PHACTR3: variants seen among roughly 807,000 people sequenced by gnomAD.
PHACTR3 encodes the protein phosphatase and actin regulator 3.
A neutral mutation model predicts 66.8 loss-of-function variants in PHACTR3; 16 were observed. The observed-to-expected ratio is 0.24, with a 90% CI of 0.16 to 0.36. The LOEUF is 0.36. Among genes scored for constraint, PHACTR3 ranks in the 10% least tolerant of loss-of-function variants. The pLI, the probability that PHACTR3 is intolerant of heterozygous loss-of-function variation, is 1.00. For missense variants in PHACTR3, 647 were observed against 719.9 expected (o/e 0.90, Z 1.16); for synonymous variants, 323 against 292.1 (o/e 1.11, Z -1.08).
At chr20:59,784,481 C>T (rs2040838590) in intron 7 of PHACTR3, among the ~76,000 whole-genome samples, 1 of 152,046 alleles carries the variant, frequency 6.6e-6, no homozygotes, top group Non-Finnish European at 1.5e-5. Flanking sequence ...GGTGGAGAAC[C>T]AAAGCTTTAA....
intron 1 of PHACTR3, among the ~76,000 whole-genome samples, chr20:59,666,892 G>A (rs1416466752): frequency 2.6e-4 from 39 of 152,328 alleles, no homozygotes; most frequent in Non-Finnish European, 4.4e-5. Flanking sequence ...CTTACACGGT[G>A]TAATCTTTAA....
chr20:59,664,464 G>C (rs151276044), intron 1 of PHACTR3, among the ~76,000 whole-genome samples: 1 of 152,030 alleles, frequency 6.6e-6, no homozygotes, highest in Non-Finnish European at 1.5e-5. Flanking sequence ...GCTGCTTCTC[G>C]TAGCCGTTTC....
chr20:59,651,277 A>G (rs6070892), intron 1 of PHACTR3, among the ~76,000 whole-genome samples: 18,677 of 152,262 alleles, frequency 0.12, 1,302 homozygotes, highest in East Asian at 0.25. Flanking sequence ...CATTTTCTAA[A>G]GTAGCGTAAC....
At position 59,695,667 on chromosome 20, in the gene PHACTR3, G is replaced by A. The variant is rs923223368; in HGVS notation, c.119-47440G>A. On this transcript the variant is annotated intron_variant, in intron 1 of 12. Coordinates refer to ENST00000371015, the MANE Select transcript of PHACTR3 (RefSeq NM_080672.5). Reference sequence around the variant, plus strand: ...GGGGTCAGGCATTTTTCTCTTCACCGCTTAGACACTCAATTTCTGTTTAGA... The same window carrying A: ...GGGGTCAGGCATTTTTCTCTTCACCACTTAGACACTCAATTTCTGTTTAGA... Among the ~76,000 whole-genome samples the A allele has an allele frequency of 4.6e-5, 7 of 151,750 alleles. 1 individual carries two copies. The highest frequency in any genetic ancestry group is 1.2e-4 in the African/African-American group (5 of 41,282).
intron 11 of PHACTR3, chr20:59,844,974 A>G: frequency 2.5e-6 from 1 of 400,204 alleles, no homozygotes; most frequent in South Asian, 3.7e-5. Flanking sequence ...TAAAATTTTT[A>G]CAAAGACTTC....
intron 4 of PHACTR3, among the ~76,000 whole-genome samples, chr20:59,756,919 C>T (rs116202820): frequency 0.016 from 2,391 of 152,110 alleles, 61 homozygotes; most frequent in African/African-American, 0.055. Flanking sequence ...TTGGAGTGAA[C>T]AGACAACCTA....
At chr20:59,786,716 G>A (rs1445217214) in intron 7 of PHACTR3, among the ~76,000 whole-genome samples, 1 of 151,338 alleles carries the variant, frequency 6.6e-6, no homozygotes, top group African/African-American at 2.4e-5. Context: ...AGCACTCTCT[G>A]TGCAGTTGAC....
chr20:59,693,002 G>A (rs1387524747), intron 1 of PHACTR3, among the ~76,000 whole-genome samples: 1 of 152,136 alleles, frequency 6.6e-6, no homozygotes, highest in Non-Finnish European at 1.5e-5. Flanking sequence ...TATATATGGT[G>A]CGTGGCTGTC....
chr20:59,605,162 G>GGGGGGGGGGGGGGGGGC, intron 1 of PHACTR3, 30 bp downstream of exon 1: 3 of 923,108 alleles, frequency 3.2e-6, no homozygotes, highest in Non-Finnish European at 4.4e-6. Context: ...CGGCGGGCGG[G>GGGGGGGGGGGGGGGGGC]TCGGGGAGGC....
intron 11 of PHACTR3, 24 bp downstream of exon 11, chr20:59,841,559 G>T: frequency 6.2e-7 from 1 of 1,605,262 alleles, no homozygotes; most frequent in East Asian, 2.2e-5. Context: ...TGTGCTGGTG[G>T]GGGGTGTTGG....
intron 1 of PHACTR3, among the ~76,000 whole-genome samples, chr20:59,611,526 C>T (rs1479041895): frequency 4.6e-5 from 7 of 152,202 alleles, no homozygotes; most frequent in Admixed American, 6.5e-5. Context: ...CCCTCAGTGA[C>T]GCAGAACAGC....
intron 1 of PHACTR3, among the ~76,000 whole-genome samples, chr20:59,612,304 G>A (rs898043582): frequency 5.9e-5 from 9 of 152,132 alleles, no homozygotes; most frequent in African/African-American, 1.7e-4. Context: ...CTGCTGGGGC[G>A]GAGCTGCTTC....
At chr20:59,618,540 C>T (rs1005712996) in intron 1 of PHACTR3, among the ~76,000 whole-genome samples, 2 of 152,114 alleles carry the variant, frequency 1.3e-5, no homozygotes, top group Admixed American at 1.3e-4. Flanking sequence ...GACTACATTG[C>T]CCGGAGGAAG....
intron 5 of PHACTR3, among the ~76,000 whole-genome samples, chr20:59,772,535 C>T (rs970845125): frequency 1.3e-5 from 2 of 152,046 alleles, no homozygotes; most frequent in Non-Finnish European, 2.9e-5. Flanking sequence ...AGCAGAGGAG[C>T]GGGGAAGCAT....
intron 1 of PHACTR3, among the ~76,000 whole-genome samples, chr20:59,713,855 C>G (rs1454190462): frequency 2.0e-5 from 3 of 152,026 alleles, no homozygotes; most frequent in African/African-American, 7.3e-5. Flanking sequence ...GAACCACGGT[C>G]AACTCCCACA....
chr20:59,650,778 G>C (rs142276320), intron 1 of PHACTR3, among the ~76,000 whole-genome samples: 1,629 of 151,740 alleles, frequency 0.011, 30 homozygotes, highest in Admixed American at 0.044. Context: ...GGGGTTGGGG[G>C]TGGTGGGACA....
chr20:59,708,414 A>G (rs1568732113), intron 1 of PHACTR3, among the ~76,000 whole-genome samples: 1 of 152,180 alleles, frequency 6.6e-6, no homozygotes, highest in African/African-American at 2.4e-5. Flanking sequence ...AAGGGGGAAC[A>G]TGGAGAACCG....
intron 7 of PHACTR3, among the ~76,000 whole-genome samples, chr20:59,783,499 C>T (rs2040801673): frequency 7.6e-6 from 1 of 132,044 alleles, no homozygotes; most frequent in African/African-American, 2.9e-5. Context: ...AAGCACTTTT[C>T]ATGCATTTTA....
chr20:59,756,776 A>T (rs143607690), intron 4 of PHACTR3, among the ~76,000 whole-genome samples: 2,944 of 150,464 alleles, frequency 0.02, 45 homozygotes, highest in Non-Finnish European at 0.03. Context: ...GCACCCATTA[A>T]CTCGTCATTT....
Sources: gnomAD v4.1 joint callset for allele counts (sites outside exome capture counted in the v4.1 genomes callset) on GRCh38, gnomAD v4.1.1 for gene constraint, MANE v1.5 for transcripts, NCBI Gene and HGNC (gene_info 2026-07-23, HGNC 2026-07-21) for gene names.